PABPC1L: variants seen among roughly 807,000 people sequenced by gnomAD.
PABPC1L encodes the protein poly(A) binding protein cytoplasmic 1 like, also known as polyadenylate-binding protein 1-like.
In PABPC1L, 31 loss-of-function variants were observed where a neutral mutation model predicts 66.6. The observed-to-expected ratio is 0.47, with a 90% CI of 0.35 to 0.63. PABPC1L has a LOEUF of 0.63. PABPC1L is among the 20% of genes least tolerant of loss of function. PABPC1L has a pLI of 0.00. For synonymous variants in PABPC1L, 348 were observed against 335.1 expected (o/e 1.04, Z -0.42); for missense variants, 722 against 848.8 (o/e 0.85, Z 1.86).
At chr20:44,926,409 T>C (rs1272518737) in intron 7 of PABPC1L, among the ~76,000 whole-genome samples, 2 of 151,688 alleles carry the variant, frequency 1.3e-5, no homozygotes, top group Non-Finnish European at 1.5e-5. Flanking sequence ...GTATTTTTAG[T>C]AGAGACGGGG....
chr20:44,932,441 C>T lies in PABPC1L; in HGVS notation c.1330+9C>T. ...GCCACCTAGACCTTCCTGTGAGTGA[C>T]CCAGCCCCTTCCACTCTCAGACTGG... On this transcript the variant is annotated intron_variant, in intron 9 of 14. Coordinates refer to ENST00000217073, the MANE Select transcript of PABPC1L (RefSeq NM_001372179.1). 1.2e-6 allele frequency: 2 copies of T among 1,606,480 alleles called. No individual in the cohort carries two copies. The highest frequency in any genetic ancestry group is 1.7e-6 in the Non-Finnish European group (2 of 1,174,578).
rs761245205 is a variant in PABPC1L, at chr20:44,912,819, C to T, written c.353C>T (p.Thr118Ile). ...DSIDNKALYD[T>I]FSTFGNILSC... ...ATTGACAACAAGGCTTTATATGATA[C>T]CTTCTCCACCTTTGGGAACATCCTC... is the stretch of plus-strand genomic sequence containing the variant. The change falls in exon 2 of 15, where the codon ACC becomes ATC. Residue 118 changes from threonine to isoleucine, a missense_variant. By Grantham distance (89) the Thr-to-Ile change is moderately conservative (BLOSUM62 -1). Coordinates refer to ENST00000217073, the MANE Select transcript of PABPC1L (RefSeq NM_001372179.1). The T allele has an allele frequency of 3.1e-6, 5 of 1,614,076 alleles. No homozygotes were observed. Among genetic ancestry groups the T allele is most frequent in the Admixed American group, 1.7e-5 (1 of 60,018 alleles).
intron 7 of PABPC1L, among the ~76,000 whole-genome samples, chr20:44,926,300 C>T (rs2066808797): frequency 6.6e-6 from 1 of 152,250 alleles, no homozygotes; most frequent in Admixed American, 6.5e-5. Context: ...CATCTCGGCT[C>T]ACTACAACCT....
intron 2 of PABPC1L, among the ~76,000 whole-genome samples, chr20:44,914,531 A>T (rs1718998173): frequency 6.6e-6 from 1 of 152,128 alleles, no homozygotes; most frequent in South Asian, 2.1e-4. Context: ...ATCAAGTGCT[A>T]CTGTGTGCCA....
At chr20:44,937,911 T>G in intron 12 of PABPC1L, 150 bp from the exon 13 acceptor site, 1 of 1,041,652 alleles carries the variant, frequency 9.6e-7, no homozygotes, top group Non-Finnish European at 1.4e-6. Context: ...GTACCTGATG[T>G]TAGAAGATCA....
Position 44,932,393 on chromosome 20 carries a change from C to T in PABPC1L, c.1291C>T (p.Pro431Ser). The change falls in exon 9 of 15, where the codon CCT becomes TCT. Residue 431 changes from proline (P) to serine (S), a missense_variant. By Grantham distance (74) the Pro-to-Ser change is moderately conservative. Around this residue, in one of 3 missense-constraint regions of PABPC1L, gnomAD observed 301 missense variants for 337.2 expected, o/e 0.89. Transcript: ENST00000217073. ...YGCGPVTPTQPAPRWTSQPPR... is the reference protein window; with the variant it reads ...YGCGPVTPTQSAPRWTSQPPR... Reference sequence around the variant, plus strand: ...CTGTGGCCCAGTGACACCCACCCAGCCTGCCCCCAGGTGGACATCCCAGCC... The same window carrying T: ...CTGTGGCCCAGTGACACCCACCCAGTCTGCCCCCAGGTGGACATCCCAGCC... 1 of 1,613,766 alleles carries T rather than the reference C, an allele frequency of 6.2e-7. No individual in the cohort carries two copies. Among genetic ancestry groups the T allele is most frequent in the Non-Finnish European group, 8.5e-7 (1 of 1,179,788 alleles).
Position 44,919,023 on chromosome 20 carries a change from G to A in PABPC1L, c.621G>A (p.Leu207=), listed in dbSNP as rs1284376111. The part of the protein sequence containing the change: ...NLPVDVDEQG[L]QDLFSQFGKM... The stretch of plus-strand genomic sequence containing the variant: ...CGGTGGATGTGGACGAGCAAGGCCT[G>A]CAGGACCTCTTCTCCCAGTTTGGTG... Residue 207 remains leucine, a synonymous_variant, in exon 4 of 15, where the codon CTG becomes CTA. Coordinates refer to ENST00000217073, the MANE Select transcript of PABPC1L (RefSeq NM_001372179.1). 1 of 1,612,890 alleles carries A rather than the reference G, an allele frequency of 6.2e-7. No individual in the cohort carries two copies. Among genetic ancestry groups the A allele is most frequent in the African/African-American group, 1.3e-5 (1 of 75,038 alleles).
chr20:44,925,658 A>G (rs2066804584), intron 7 of PABPC1L, among the ~76,000 whole-genome samples: 1 of 152,224 alleles, frequency 6.6e-6, no homozygotes, highest in Non-Finnish European at 1.5e-5. Flanking sequence ...AGTTGTAAAC[A>G]TCCTTCAGGG....
chr20:44,913,891 C>G (rs1422431571), intron 2 of PABPC1L, among the ~76,000 whole-genome samples: 1 of 152,154 alleles, frequency 6.6e-6, no homozygotes, highest in Non-Finnish European at 1.5e-5. Context: ...CATCAGTGAT[C>G]TTGTTCTTAG....
chr20:44,928,259 G>C (rs2066824382), intron 7 of PABPC1L, among the ~76,000 whole-genome samples: 1 of 151,966 alleles, frequency 6.6e-6, no homozygotes, highest in Non-Finnish European at 1.5e-5. Flanking sequence ...TTTTAGTAGA[G>C]ATGGGGTTTC....
chr20:44,912,605 C>T, intron 1 of PABPC1L, 55 bp from the exon 2 acceptor site: 1 of 1,481,834 alleles, frequency 6.7e-7, no homozygotes, highest in South Asian at 1.2e-5. Context: ...GGTGGGTGAT[C>T]AAGGTAAGAA....
At chr20:44,916,913 C>T (rs1477631025) in intron 3 of PABPC1L, 42 bp downstream of exon 3, 7 of 1,572,804 alleles carry the variant, frequency 4.5e-6, no homozygotes, top group Non-Finnish European at 6.1e-6. Flanking sequence ...GCTGCAGGGA[C>T]AGAAGCATGG....
rs200529234 is a variant in PABPC1L, at chr20:44,930,722, C to T, written c.1235C>T (p.Pro412Leu). Residue 412 changes from proline (P) to leucine (L), a missense_variant, in exon 8 of 15, where the codon CCC becomes CTC. Pro to Leu is a moderately conservative substitution (Grantham distance 98). Transcript: ENST00000217073. ...TCCAGCTACTTCCTGCCTGCCATGC[C>T]CCAGGTGACGGCCTGCCCGCAACTC... ...QPSSYFLPAM[P>L]QPPAQAAYYG... is the part of the protein sequence containing the mutation. 6.8e-5 allele frequency: 110 copies of T among 1,612,852 alleles called. No homozygotes were observed. The African/African-American group carries it at 1.3e-3, about 18-fold the overall frequency.
intron 1 of PABPC1L, among the ~76,000 whole-genome samples, chr20:44,911,656 G>C (rs2066705817): frequency 6.6e-6 from 1 of 152,210 alleles, no homozygotes; most frequent in South Asian, 2.1e-4. Flanking sequence ...TTGTTCCGCC[G>C]GGCCTGTTCC....
At chr20:44,917,020 G>A in intron 3 of PABPC1L, 149 bp downstream of exon 3, 1 of 670,882 alleles carries the variant, frequency 1.5e-6, no homozygotes, top group Non-Finnish European at 2.6e-6. Flanking sequence ...GCCCGGAGCA[G>A]CTGCTCAACC....
chr20:44,914,979 G>T (rs1241577054), intron 2 of PABPC1L, among the ~76,000 whole-genome samples: 2 of 152,230 alleles, frequency 1.3e-5, no homozygotes, highest in Non-Finnish European at 2.9e-5. Context: ...AACAAGGGAA[G>T]TATGTAATGC....
At chr20:44,935,853 TC>T (rs2066897232) in intron 11 of PABPC1L, among the ~76,000 whole-genome samples, 2 of 152,148 alleles carry the variant, frequency 1.3e-5, no homozygotes, top group Admixed American at 1.3e-4. Context: ...TGTATTTATC[TC>T]CCTCCCCTAA....
At chr20:44,921,122 T>G (rs547058921) in intron 5 of PABPC1L, among the ~76,000 whole-genome samples, 1 of 151,368 alleles carries the variant, frequency 6.6e-6, no homozygotes, top group South Asian at 2.1e-4. Context: ...CCATCAATTT[T>G]GTTTCTTAAA....
Position 44,918,929 on chromosome 20 carries a change from G to C in PABPC1L, c.527G>C (p.Arg176Pro), listed in dbSNP as rs756959393. The C allele has an allele frequency of 1.6e-5, 26 of 1,603,276 alleles. No homozygotes were observed. Among genetic ancestry groups the C allele is most frequent in the Admixed American group, 3.4e-5 (2 of 59,054 alleles). Residue 176 changes from arginine (R) to proline (P), a missense_variant, in exon 4 of 15, where the codon CGA (arginine) becomes CCA (proline). Physicochemically the swap from Arg to Pro is moderately radical, Grantham distance 103. Around this residue, in one of 3 missense-constraint regions of PABPC1L, gnomAD observed 284 missense variants for 294.8 expected, o/e 0.96. Transcript: ENST00000217073. ...AGCTTTGTGGGTCACTTCAAGTCTC[G>C]ACGGGAGCGGGAGGCGGAGCTGGGG... ...RKVFVGHFKS[R>P]REREAELGAR...
Sources: gnomAD v4.1 joint callset for allele counts (sites outside exome capture counted in the v4.1 genomes callset) on GRCh38, gnomAD v4.1.1 for gene constraint, gnomAD v4.1.1 regional missense constraint, MANE v1.5 for transcripts, NCBI Gene and HGNC (gene_info 2026-07-23, HGNC 2026-07-21) for gene names.